Variants in BRMS1L observed in about 807,000 individuals in gnomAD.
BRMS1L encodes BRMS1 like transcriptional repressor.
A neutral mutation model predicts 50.3 loss-of-function variants in BRMS1L; 23 were observed. The observed-to-expected ratio is 0.46, with a 90% CI of 0.33 to 0.65. BRMS1L has a LOEUF of 0.65. BRMS1L is among the 30% of genes least tolerant of loss of function. The pLI is 0.02. For missense variants in BRMS1L, 286 were observed against 386.1 expected, an observed-to-expected ratio of 0.74 and a Z score of 2.17; for synonymous variants, 114 against 126.9, an observed-to-expected ratio of 0.90 and a Z score of 0.69.
chr14:35,834,416 A>T (rs1212415775), intron 3 of BRMS1L, among the ~76,000 whole-genome samples: 1 of 151,236 alleles, frequency 6.6e-6, no homozygotes, highest in Non-Finnish European at 1.5e-5. Context: ...AATGATAGTT[A>T]AAAAAAAAGT....
chr14:35,862,735 G>T, intron 5 of BRMS1L, 49 bp downstream of exon 5: 1 of 1,271,726 alleles, frequency 7.9e-7, no homozygotes, highest in Non-Finnish European at 1.1e-6. Context: ...CAGACCTTTG[G>T]TTTACTGTAG....
At chr14:35,860,570 C>A (rs1229522613) in intron 4 of BRMS1L, among the ~76,000 whole-genome samples, 2 of 144,962 alleles carry the variant, frequency 1.4e-5, no homozygotes, top group Non-Finnish European at 3.0e-5. Flanking sequence ...TATTCCAGTG[C>A]AGTATGCTTA....
At chr14:35,838,455 T>A (rs1435083498) in intron 4 of BRMS1L, among the ~76,000 whole-genome samples, 1 of 152,222 alleles carries the variant, frequency 6.6e-6, no homozygotes, top group African/African-American at 2.4e-5. Context: ...CCATACTGTC[T>A]TCTACAATGT....
intron 4 of BRMS1L, among the ~76,000 whole-genome samples, chr14:35,837,101 A>G (rs2078004769): frequency 6.6e-6 from 1 of 150,776 alleles, no homozygotes; most frequent in African/African-American, 2.4e-5. Context: ...CTAAAAATAC[A>G]AAAATTAGCT....
chr14:35,864,222 A>G, intron 6 of BRMS1L, among the ~76,000 whole-genome samples: 1 of 152,188 alleles, frequency 6.6e-6, no homozygotes, highest in East Asian at 1.9e-4. Flanking sequence ...GATGTGAAAC[A>G]GTCGTTTAGT....
chr14:35,862,700 T>C lies in BRMS1L; in HGVS notation c.538+14T>C, dbSNP rs373639312. On this transcript the variant is annotated intron_variant, in intron 5 of 9. Coordinates refer to ENST00000216807, the MANE Select transcript of BRMS1L (RefSeq NM_032352.4). ...ATATTACCTCAGGTAAGGAGAATGATATGATTGTGATGTTTGAGTGGCACC... is the reference window on the plus strand; with the variant it reads ...ATATTACCTCAGGTAAGGAGAATGACATGATTGTGATGTTTGAGTGGCACC... 5.0e-6 allele frequency: 8 copies of C among 1,588,216 alleles called. No individual in the cohort carries two copies. In the African/African-American group the frequency reaches 6.7e-5, roughly 13 times the overall value.
At chr14:35,862,721 G>T in intron 5 of BRMS1L, 35 bp downstream of exon 5, 4 of 1,483,114 alleles carry the variant, frequency 2.7e-6, no homozygotes, top group South Asian at 1.2e-5. Context: ...TGTTTGAGTG[G>T]CACCAGACCT....
At chr14:35,866,530 C>A (rs1278696998) in intron 8 of BRMS1L, among the ~76,000 whole-genome samples, 1 of 151,996 alleles carries the variant, frequency 6.6e-6, no homozygotes, top group Non-Finnish European at 1.5e-5. Flanking sequence ...ATGGCAAGAC[C>A]CCATCTCTAC....
At chr14:35,833,617 T>A (rs1483940601) in intron 3 of BRMS1L, among the ~76,000 whole-genome samples, 1 of 152,182 alleles carries the variant, frequency 6.6e-6, no homozygotes, top group Non-Finnish European at 1.5e-5. Context: ...TGGCTACAAA[T>A]AAACAAAGAT....
At chr14:35,858,231 A>G (rs2142058456) in intron 4 of BRMS1L, among the ~76,000 whole-genome samples, 1 of 152,284 alleles carries the variant, frequency 6.6e-6, no homozygotes, top group Non-Finnish European at 1.5e-5. Flanking sequence ...AACTTATCAG[A>G]TAATCCATCA....
intron 4 of BRMS1L, among the ~76,000 whole-genome samples, chr14:35,839,785 G>T (rs985099605): frequency 2.6e-5 from 4 of 152,174 alleles, no homozygotes; most frequent in East Asian, 1.9e-4. Context: ...AGACGATGGG[G>T]TTATCTAAAT....
At chr14:35,832,098 A>G (rs141824684) in intron 2 of BRMS1L, among the ~76,000 whole-genome samples, 27 of 152,256 alleles carry the variant, frequency 1.8e-4, no homozygotes, top group African/African-American at 5.8e-4. Context: ...TCATTGAGCA[A>G]CTAATTTTGT....
intron 1 of BRMS1L, chr14:35,829,881 GA>G: frequency 8.3e-7 from 1 of 1,206,078 alleles, no homozygotes; most frequent in Non-Finnish European, 1.1e-6. Flanking sequence ...TATGAACATA[GA>G]AAATGTGGAC....
chr14:35,826,848 G>A (rs2077852221), intron 1 of BRMS1L, 190 bp downstream of exon 1: 3 of 799,712 alleles, frequency 3.8e-6, no homozygotes, highest in Non-Finnish European at 1.9e-6. Flanking sequence ...GATGGGTCCC[G>A]GCGGCGGGGC....
At chr14:35,841,543 C>T (rs534366628) in intron 4 of BRMS1L, among the ~76,000 whole-genome samples, 193 of 152,244 alleles carry the variant, frequency 1.3e-3, no homozygotes, top group Middle Eastern at 3.4e-3. Context: ...GTGATCTGCC[C>T]GCCTTGGCCT....
At chr14:35,843,622 CCGG>C (rs2078094667) in intron 4 of BRMS1L, among the ~76,000 whole-genome samples, 2 of 152,322 alleles carry the variant, frequency 1.3e-5, no homozygotes, top group East Asian at 3.9e-4. Flanking sequence ...TCTGTCCACC[CCGG>C]CTGGGAGGTG....
At chr14:35,860,199 G>A (rs116184579) in intron 4 of BRMS1L, among the ~76,000 whole-genome samples, 3 of 151,728 alleles carry the variant, frequency 2.0e-5, no homozygotes, top group Admixed American at 6.6e-5. Flanking sequence ...GCATGATCTC[G>A]GCTTACTGCA....
intron 4 of BRMS1L, among the ~76,000 whole-genome samples, chr14:35,852,243 A>G (rs1254877529): frequency 6.6e-6 from 1 of 152,222 alleles, no homozygotes; most frequent in African/African-American, 2.4e-5. Context: ...GTCTTGCTCT[A>G]TCACTTAGGC....
chr14:35,826,833 C>T, intron 1 of BRMS1L, 175 bp downstream of exon 1: 1 of 915,660 alleles, frequency 1.1e-6, no homozygotes, highest in Non-Finnish European at 1.6e-6. Context: ...CGCTGTCTGG[C>T]TCCTGATGGG....
Sources: allele counts gnomAD v4.1 joint callset (sites outside exome capture counted in the v4.1 genomes callset), GRCh38; gene constraint gnomAD v4.1.1; transcripts MANE v1.5; gene names NCBI Gene and HGNC (gene_info 2026-07-23, HGNC 2026-07-21).